The following ERCC2 variants were observed in gnomAD, a reference collection of about 807,000 sequenced individuals.
The protein encoded by ERCC2 is general transcription and DNA repair factor IIH helicase subunit XPD.
In ERCC2, 90 loss-of-function variants were observed where a neutral mutation model predicts 99.4. The ratio of observed to expected loss-of-function variants is 0.91; its 90% confidence interval spans 0.76 to 1.08. The LOEUF is 1.08. ERCC2 is among the 50% of genes least tolerant of loss of function. ERCC2 has a pLI of 0.00. For synonymous variants in ERCC2, 497 were observed against 432.4 expected (o/e 1.15, Z -1.85); for missense variants, 993 against 1,038.1 (o/e 0.96, Z 0.60).
chr19:45,357,861 C>T, intron 12 of ERCC2, 162 bp from the exon 13 acceptor site: 2 of 692,190 alleles, frequency 2.9e-6, no homozygotes, highest in South Asian at 3.2e-5. Flanking sequence ...CCAAACCAGG[C>T]ATCTGAGTCC....
chr19:45,353,605 G>A (rs1971906755), intron 17 of ERCC2, among the ~76,000 whole-genome samples: 2 of 152,206 alleles, frequency 1.3e-5, no homozygotes, highest in African/African-American at 4.8e-5. Flanking sequence ...GCGATTGGTG[G>A]AGGGGCTGAC....
At chr19:45,364,639 C>T in intron 7 of ERCC2, 92 bp from the exon 8 acceptor site, 1 of 1,568,638 alleles carries the variant, frequency 6.4e-7, no homozygotes, top group Non-Finnish European at 8.7e-7. Context: ...CCCACACAGG[C>T]CTGCACAGGC....
In ERCC2 at chr19:45,351,314, C is replaced by G. The variant is rs1167631041; in HGVS notation, c.*315G>C. 6.2e-7 allele frequency: 1 copy of G among 1,612,564 alleles called. No individual in the cohort carries two copies. The highest frequency in any genetic ancestry group is 1.1e-5 in the South Asian group (1 of 91,078). ...CCCAGCTGGCACCTGGACAAGGCCC[C>G]TCGGACCCTCAGCGCCAGCACCCAG... On this transcript the variant is annotated 3_prime_UTR_variant, in exon 23 of 23. Transcript: ENST00000391945.
chr19:45,370,161 C>G lies in ERCC2; in HGVS notation c.77G>C (p.Arg26Pro), dbSNP rs770507184. Residue 26 changes from arginine to proline, a missense_variant, in exon 2 of 23, where the codon CGG becomes CCG. By Grantham distance (103) the Arg-to-Pro change is moderately radical. Around this residue, in one of 3 missense-constraint regions of ERCC2, gnomAD observed 55 missense variants for 45.1 expected, o/e 1.22. Transcript: ENST00000391945. Reference protein sequence around the residue: ...YIYPEQFSYMRELKRTLDAKG... With the variant: ...YIYPEQFSYMPELKRTLDAKG... ...GGCGTCCAGCGTGCGTTTGAGCTCC[C>G]GCATGTAGGAGAACTGCTCGGGGTA... The G allele has an allele frequency of 2.5e-6, 4 of 1,613,148 alleles. No homozygotes were observed. Among genetic ancestry groups the G allele is most frequent in the East Asian group, 2.2e-5 (1 of 44,852 alleles).
In ERCC2 at chr19:45,352,587, A is replaced by T; in HGVS notation, c.1965T>A (p.Asp655Glu). The change falls in exon 21 of 23, where the codon GAT (aspartate) becomes GAA (glutamate). Residue 655 changes from aspartate (D) to glutamate (E), a missense_variant. By Grantham distance (45) the Asp-to-Glu change is conservative. Transcript: ENST00000391945. ...CACACTGGGCCGCGTGGCGCATGGCATCGAAGGTAAGAAAGTCATTCTCAC... is the reference window on the plus strand; with the variant it reads ...CACACTGGGCCGCGTGGCGCATGGCTTCGAAGGTAAGAAAGTCATTCTCAC... ...QIRENDFLTF[D>E]AMRHAAQCVG... is the part of the protein sequence containing the mutation. The T allele has an allele frequency of 6.2e-7, 1 of 1,614,028 alleles. No homozygotes were observed. Among genetic ancestry groups the T allele is most frequent in the South Asian group, 1.1e-5 (1 of 91,086 alleles).
chr19:45,360,628 TCGGC>T (rs1323641063), intron 12 of ERCC2, among the ~76,000 whole-genome samples: 2 of 152,218 alleles, frequency 1.3e-5, no homozygotes, highest in East Asian at 1.9e-4. Flanking sequence ...TCTGCCCACC[TCGGC>T]CCCCCAAACT....
chr19:45,363,398 C>T (rs563198038), intron 11 of ERCC2, among the ~76,000 whole-genome samples: 7 of 152,290 alleles, frequency 4.6e-5, no homozygotes, highest in Admixed American at 2.6e-4. Context: ...CCCTCCCTGC[C>T]GCTGTGGCCT....
intron 5 of ERCC2, among the ~76,000 whole-genome samples, chr19:45,368,310 T>C (rs753831804): frequency 6.6e-6 from 1 of 152,184 alleles, no homozygotes; most frequent in Non-Finnish European, 1.5e-5. Flanking sequence ...AAAGGAAGAC[T>C]GAGGCCCAGG....
Position 45,352,530 on chromosome 19 carries a change from G to A in ERCC2, c.2022C>T (p.Tyr674=), listed in dbSNP as rs560408084. Residue 674 remains tyrosine, a synonymous_variant, in exon 21 of 23, where the codon TAC becomes TAT. Transcript: ENST00000391945. ...CCTTGTCGGCAAAGACCATGAGGCC[G>A]TAGTCCGTCTTGCCCCTGATGGCCC... ...VGRAIRGKTD[Y]GLMVFADKRF... 6.5e-5 allele frequency: 105 copies of A among 1,614,178 alleles called. No individual in the cohort carries two copies. The highest frequency in any genetic ancestry group is 2.9e-4 in the South Asian group (26 of 91,082).
chr19:45,356,536 G>A (rs528573578), intron 15 of ERCC2, among the ~76,000 whole-genome samples: 2 of 152,174 alleles, frequency 1.3e-5, no homozygotes, highest in African/African-American at 2.4e-5. Context: ...ATGGCTGCGC[G>A]CAGTGGCTTA....
At chr19:45,363,040 C>A (rs1972280049) in intron 11 of ERCC2, among the ~76,000 whole-genome samples, 1 of 152,244 alleles carries the variant, frequency 6.6e-6, no homozygotes, top group Middle Eastern at 3.4e-3. Flanking sequence ...TCTCATTAAC[C>A]CACCAAAGAA....
rs150346978 is a variant in ERCC2, at chr19:45,353,120, T to G, written c.1794A>C (p.Ser598=). The G allele has an allele frequency of 1.5e-5, 24 of 1,613,576 alleles. No individual in the cohort carries two copies. The African/African-American group carries it at 2.8e-4, about 19-fold the overall frequency. The change falls in exon 19 of 23, where the codon TCA becomes TCC. Residue 598 remains serine (S), a synonymous_variant. Coordinates refer to ENST00000391945, the MANE Select transcript of ERCC2 (RefSeq NM_000400.4). ...CENGRGAILL[S]VARGKVSEGI... is the part of the protein sequence containing the mutation. ...CCTCGGACACTTTGCCCCGGGCCAC[T>G]GACAGCAGGATGGCCCCGCGGCCAT...
At position 45,350,745 on chromosome 19, in the gene ERCC2, C is replaced by A. The variant is rs200512408; in HGVS notation, c.*884G>T. 1.9e-6 allele frequency: 3 copies of A among 1,609,618 alleles called. No individual in the cohort carries two copies. The highest frequency in any genetic ancestry group is 1.7e-4 in the Middle Eastern group (1 of 5,998). ...GAGGCGAGGCGGCGGCAGGAGCAGC[C>A]GGGTGAGTGTTGATCAGGTCGGCAA... is the stretch of plus-strand genomic sequence containing the variant. On this transcript the variant is annotated 3_prime_UTR_variant, in exon 23 of 23. Coordinates refer to ENST00000391945, the MANE Select transcript of ERCC2 (RefSeq NM_000400.4).
chr19:45,362,719 G>A (rs1335645361), intron 11 of ERCC2, among the ~76,000 whole-genome samples: 5 of 152,240 alleles, frequency 3.3e-5, no homozygotes, highest in African/African-American at 1.2e-4. Flanking sequence ...TGTGTGTTGA[G>A]TGACTGAGAT....
chr19:45,365,919 T>G (rs1972411429), intron 5 of ERCC2, among the ~76,000 whole-genome samples: 2 of 152,164 alleles, frequency 1.3e-5, no homozygotes, highest in Admixed American at 1.3e-4. Flanking sequence ...ACTACATCCT[T>G]GACCTCCCAG....
Position 45,351,174 on chromosome 19 carries a change from G to A in ERCC2, c.*455C>T, listed in dbSNP as rs1490591778. 2.5e-6 allele frequency: 4 copies of A among 1,586,614 alleles called. No homozygotes were observed. The highest frequency in any genetic ancestry group is 2.6e-6 in the Non-Finnish European group (3 of 1,166,054). On this transcript the variant is annotated 3_prime_UTR_variant, in exon 23 of 23. Transcript: ENST00000391945. Reference sequence around the variant, plus strand: ...GGAGCAAAGATGGGTTTTACTTGGGGTAGAGGCGAGGGGGTTGGATAGTTG... The same window carrying A: ...GGAGCAAAGATGGGTTTTACTTGGGATAGAGGCGAGGGGGTTGGATAGTTG...
Position 45,369,058 on chromosome 19 carries a change from C to T in ERCC2, c.183+12G>A, listed in dbSNP as rs760365197. Reference sequence around the variant, plus strand: ...CCTTTGTCTGCCTTTACGGGTTCAGCGCATCACTCACTCTCTGGTATGCCA... The same window carrying T: ...CCTTTGTCTGCCTTTACGGGTTCAGTGCATCACTCACTCTCTGGTATGCCA... On this transcript the variant is annotated intron_variant, in intron 3 of 22. Coordinates refer to ENST00000391945, the MANE Select transcript of ERCC2 (RefSeq NM_000400.4). 8.1e-6 allele frequency: 13 copies of T among 1,613,984 alleles called. No homozygotes were observed. The South Asian group carries it at 1.1e-4, about 14-fold the overall frequency.
chr19:45,353,439 C>T, intron 17 of ERCC2, 105 bp from the exon 18 acceptor site: 1 of 761,872 alleles, frequency 1.3e-6, no homozygotes, highest in Non-Finnish European at 2.3e-6. Flanking sequence ...TGGGCCTCAG[C>T]TGGCTCATCT....
At position 45,357,338 on chromosome 19, in the gene ERCC2, G is replaced by C; in HGVS notation, c.1411C>G (p.Leu471Val). Residue 471 changes from leucine to valine, a missense_variant, in exon 15 of 23, where the codon CTG becomes GTG. This residue lies in a region of ERCC2 where 909 missense variants were observed against 930.8 expected (regional missense o/e 0.98). Transcript: ENST00000391945. Reference protein sequence around the residue: ...LSPLDIYPKILDFHPVTMATF... With the variant: ...LSPLDIYPKIVDFHPVTMATF... ...GCCATGGTGACGGGGTGGAAGTCCA[G>C]GATCTTGGGGTAGATGTCCAGCGGG... 6.2e-7 allele frequency: 1 copy of C among 1,614,176 alleles called. No homozygotes were observed. Among genetic ancestry groups the C allele is most frequent in the Non-Finnish European group, 8.5e-7 (1 of 1,180,004 alleles).
Sources: allele counts gnomAD v4.1 joint callset (sites outside exome capture counted in the v4.1 genomes callset), GRCh38; gene constraint gnomAD v4.1.1; regional missense constraint gnomAD v4.1.1; transcripts MANE v1.5; gene names NCBI Gene and HGNC (gene_info 2026-07-23, HGNC 2026-07-21).